PCSK6: variants seen among roughly 807,000 people sequenced by gnomAD.
PCSK6 encodes the protein paired basic amino acid cleaving enzyme 4.
PCSK6 carries 85 observed loss-of-function variants against 123.3 expected under a neutral mutation model. That is an observed-to-expected ratio of 0.69 (90% confidence interval 0.58 to 0.83). PCSK6 has a LOEUF of 0.83. Among genes scored for constraint, PCSK6 ranks in the 40% least tolerant of loss-of-function variants. PCSK6 has a pLI of 0.00. For missense variants in PCSK6, 1,191 were observed against 1,282.3 expected (o/e 0.93, Z 1.09); for synonymous variants, 508 against 516.0 (o/e 0.98, Z 0.21).
At chr15:101,472,785 AC>A (rs1950117336) in intron 1 of PCSK6, among the ~76,000 whole-genome samples, 1 of 152,264 alleles carries the variant, frequency 6.6e-6, no homozygotes, top group African/African-American at 2.4e-5. Context: ...TTGGGTTAAG[AC>A]AGGATTTTCT....
At chr15:101,451,089 C>T (rs1292413238) in intron 1 of PCSK6, among the ~76,000 whole-genome samples, 2 of 151,800 alleles carry the variant, frequency 1.3e-5, no homozygotes, top group African/African-American at 2.4e-5. Flanking sequence ...CCCATCATGT[C>T]GTTTCTTTAA....
At chr15:101,319,428 G>A (rs866588847) in intron 18 of PCSK6, among the ~76,000 whole-genome samples, 2 of 152,068 alleles carry the variant, frequency 1.3e-5, no homozygotes, top group South Asian at 2.1e-4. Flanking sequence ...ATATATGTTC[G>A]GTCTTTGTCC....
rs2041533775 is a variant in PCSK6, at chr15:101,370,195, AGCT to A, written c.1721+137_1721+139del. 6 of 615,544 alleles carry A rather than the reference AGCT, an allele frequency of 9.7e-6. No individual in the cohort carries two copies. In the South Asian group the frequency reaches 3.7e-4, roughly 38 times the overall value. 38.1% of individuals were successfully genotyped at this position (615,544 alleles called of 1,614,324 possible). On this transcript the variant is annotated intron_variant, in intron 12 of 21. Transcript: ENST00000611716. ...ATGCAAGGGTCTCCAAGAGAAAGGA[AGCT>A]GCCAGCAGAACCAGTGGGAGTCCCC...
At chr15:101,391,647 G>C (rs3784484) in intron 8 of PCSK6, among the ~76,000 whole-genome samples, 2 of 152,148 alleles carry the variant, frequency 1.3e-5, no homozygotes. Flanking sequence ...CAGAGGGACA[G>C]AGAATGCAGG....
chr15:101,461,477 C>G (rs1373394519), intron 1 of PCSK6, among the ~76,000 whole-genome samples: 1 of 152,050 alleles, frequency 6.6e-6, no homozygotes, highest in Non-Finnish European at 1.5e-5. Flanking sequence ...TTCCAGAGAA[C>G]AGAAAAAGTA....
In PCSK6 at chr15:101,398,427, C is replaced by T. The variant is rs1258075171; in HGVS notation, c.973G>A (p.Ala325Thr). 1 of 1,612,448 alleles carries T rather than the reference C, an allele frequency of 6.2e-7. No homozygotes were observed. The highest frequency in any genetic ancestry group is 2.2e-5 in the East Asian group (1 of 44,836). ...VDGPGRLAKQ[A>T]FEYGIKKGRQ... ...ACCTTTTTAATGCCATACTCGAAAG[C>T]CTGCTTAGCCAGTCGGCCGGGCCCG... Residue 325 changes from alanine to threonine, a missense_variant, in exon 7 of 22, where the codon GCT becomes ACT. Coordinates refer to ENST00000611716, the MANE Select transcript of PCSK6 (RefSeq NM_002570.5). This position sits in a 1 kb window ranked among gnomAD's most constrained non-coding sequence, Gnocchi z 4.6.
chr15:101,384,441 A>C lies in PCSK6; in HGVS notation c.1311-16T>G. ...TAACTGGCTGCTGCAATGACACAACACACCCTAGAGTCCACACAGCTCAAC... is the reference window on the plus strand; with the variant it reads ...TAACTGGCTGCTGCAATGACACAACCCACCCTAGAGTCCACACAGCTCAAC... On this transcript the variant is annotated splice_polypyrimidine_tract_variant and intron_variant, in intron 9 of 21. Transcript: ENST00000611716. 2 of 1,609,110 alleles carry C rather than the reference A, an allele frequency of 1.2e-6. No individual in the cohort carries two copies. The highest frequency in any genetic ancestry group is 2.2e-5 in the South Asian group (2 of 90,764).
chr15:101,366,794 G>GCTCACTAA (rs2041408974), intron 12 of PCSK6, among the ~76,000 whole-genome samples: 1 of 152,200 alleles, frequency 6.6e-6, no homozygotes, highest in Non-Finnish European at 1.5e-5. Flanking sequence ...CCCAGAGAGT[G>GCTCACTAA]CTCACTAAGG....
At chr15:101,420,392 C>T (rs568450288) in intron 6 of PCSK6, among the ~76,000 whole-genome samples, 19 of 152,078 alleles carry the variant, frequency 1.2e-4, no homozygotes, top group Non-Finnish European at 2.6e-4. Context: ...GACAGGGTCT[C>T]ACTCTGTCAC....
intron 1 of PCSK6, among the ~76,000 whole-genome samples, chr15:101,456,180 G>C (rs1034365271): frequency 6.6e-6 from 1 of 152,204 alleles, no homozygotes; most frequent in East Asian, 1.9e-4. Flanking sequence ...CTTGGAAGGA[G>C]GGTAAGAGAA....
Position 101,415,862 on chromosome 15 carries a change from C to T in PCSK6, c.823+12030G>A, listed in dbSNP as rs540334706. 2.5e-4 allele frequency among the ~76,000 whole-genome samples: 38 copies of T among 152,336 alleles called. 1 individual carries two copies. The highest frequency in any genetic ancestry group is 3.4e-3 in the Middle Eastern group (1 of 294). On this transcript the variant is annotated intron_variant, in intron 6 of 21. Transcript: ENST00000611716. ...ACCACCATATAAGAAGTGGCTTTCG[C>T]CTCCCACCATGATTCTGAGGCCTTC...
intron 1 of PCSK6, among the ~76,000 whole-genome samples, chr15:101,464,186 C>A (rs554582896): frequency 2.6e-5 from 4 of 152,246 alleles, no homozygotes; most frequent in African/African-American, 4.8e-5. Flanking sequence ...CAAGCTGGTG[C>A]CCTTTCTCCA....
At chr15:101,437,386 C>G (rs575017663) in intron 2 of PCSK6, among the ~76,000 whole-genome samples, 1 of 152,188 alleles carries the variant, frequency 6.6e-6, no homozygotes, top group African/African-American at 2.4e-5. Context: ...AAACACACAG[C>G]GGGAACCCAG....
Position 101,304,896 on chromosome 15 carries a change from G to A in PCSK6, c.*362C>T, listed in dbSNP as rs2039686970. The A allele has an allele frequency of 4.9e-6, 1 of 202,996 alleles. No homozygotes were observed. The highest frequency in any genetic ancestry group is 2.3e-5 in the African/African-American group (1 of 43,174). The allele number at this position is 202,996 out of a possible 1,614,324, so 12.6% of individuals were successfully genotyped here. ...CAGCCGCAGAAAAGCACGGGGAGAA[G>A]AGTGATGTGTGATGCCAAGCGCCTT... On this transcript the variant is annotated 3_prime_UTR_variant, in exon 22 of 22. Transcript: ENST00000611716.
chr15:101,427,712 C>T (rs1267668335), intron 6 of PCSK6, among the ~76,000 whole-genome samples, 180 bp downstream of exon 6: 1 of 152,252 alleles, frequency 6.6e-6, no homozygotes, highest in African/African-American at 2.4e-5. Flanking sequence ...CTTGAGGCCC[C>T]AATCCCTGTG....
At chr15:101,420,014 C>G (rs2056027579) in intron 6 of PCSK6, among the ~76,000 whole-genome samples, 1 of 151,808 alleles carries the variant, frequency 6.6e-6, no homozygotes, top group Non-Finnish European at 1.5e-5. Flanking sequence ...TAGTGAAACA[C>G]CGTCTTTACA....
At chr15:101,358,736 C>T (rs752227137) in intron 13 of PCSK6, among the ~76,000 whole-genome samples, 4 of 152,362 alleles carry the variant, frequency 2.6e-5, no homozygotes, top group African/African-American at 7.2e-5. Context: ...TGGGCCCATA[C>T]GCCAACCTGG....
At chr15:101,338,139 G>A (rs1023513746) in intron 13 of PCSK6, among the ~76,000 whole-genome samples, 3 of 152,174 alleles carry the variant, frequency 2.0e-5, no homozygotes, top group South Asian at 4.1e-4. Context: ...ATACCCAGGC[G>A]AGGGACCACA....
chr15:101,486,707 C>A (rs1025976461), intron 1 of PCSK6, among the ~76,000 whole-genome samples: 2 of 152,136 alleles, frequency 1.3e-5, no homozygotes, highest in African/African-American at 4.8e-5. Context: ...TACCTCTGGG[C>A]CATGTGAAAT....
Sources: allele counts gnomAD v4.1 joint callset (sites outside exome capture counted in the v4.1 genomes callset), GRCh38; gene constraint gnomAD v4.1.1; non-coding constraint Gnocchi (gnomAD v3.1); transcripts MANE v1.5; gene names NCBI Gene and HGNC (gene_info 2026-07-23, HGNC 2026-07-21).